Variants in SCHIP1 observed in about 807,000 individuals in gnomAD.
SCHIP1 encodes the protein schwannomin-interacting protein 1.
SCHIP1 carries 8 observed loss-of-function variants against 29.7 expected under a neutral mutation model. That is an observed-to-expected ratio of 0.27 (90% CI 0.16 to 0.49). SCHIP1 has a LOEUF of 0.49. Among genes scored for constraint, SCHIP1 ranks in the 20% least tolerant of loss-of-function variants. The pLI, the probability that SCHIP1 is intolerant of heterozygous loss-of-function variation, is 0.99. For synonymous variants in SCHIP1, 76 were observed against 94.9 expected (o/e 0.80, Z 1.16); for missense variants, 193 against 294.6 (o/e 0.66, Z 2.52).
At chr3:159,375,152 AAG>A in the SCHIP1 span, among the ~76,000 whole-genome samples, 1 of 152,236 alleles carries the variant, frequency 6.6e-6, no homozygotes, top group African/African-American at 2.4e-5. Context: ...GTTGGAATAA[AAG>A]AGAGTGTCCT....
the SCHIP1 span, among the ~76,000 whole-genome samples, chr3:159,625,593 A>C: frequency 1.3e-5 from 2 of 152,044 alleles, no homozygotes; most frequent in Non-Finnish European, 2.9e-5. Context: ...AGTTTGCTTC[A>C]CGTTAGTAGT....
At chr3:159,561,203 A>G in the SCHIP1 span, among the ~76,000 whole-genome samples, 1 of 152,232 alleles carries the variant, frequency 6.6e-6, no homozygotes, top group Admixed American at 6.5e-5. Context: ...TAAGTGAAGA[A>G]TGTCCACAAG....
the SCHIP1 span, among the ~76,000 whole-genome samples, chr3:159,398,623 G>A: frequency 1.3e-5 from 2 of 152,090 alleles, no homozygotes; most frequent in African/African-American, 4.8e-5. Flanking sequence ...TGATCTCAGA[G>A]GTCATAGAAA....
chr3:159,557,880 A>T, the SCHIP1 span, among the ~76,000 whole-genome samples: 2 of 152,254 alleles, frequency 1.3e-5, no homozygotes, highest in Non-Finnish European at 2.9e-5. Flanking sequence ...TTAGAAAAAT[A>T]AGGCAAATCC....
chr3:159,715,596 G>A, the SCHIP1 span, among the ~76,000 whole-genome samples: 70 of 152,312 alleles, frequency 4.6e-4, 1 homozygote, highest in East Asian at 0.012. Context: ...CGAGAACTAC[G>A]TGATGCATGC....
the SCHIP1 span, among the ~76,000 whole-genome samples, chr3:159,332,800 TA>T: frequency 6.6e-6 from 1 of 152,198 alleles, no homozygotes; most frequent in African/African-American, 2.4e-5. Flanking sequence ...TTTGGAAATA[TA>T]AGCAGTAAAT....
the SCHIP1 span, among the ~76,000 whole-genome samples, chr3:159,827,434 T>C: frequency 6.6e-5 from 10 of 152,252 alleles, no homozygotes; most frequent in Non-Finnish European, 1.3e-4. Flanking sequence ...GTTTCTGTCC[T>C]GTGTTCAGTG....
At chr3:159,676,635 G>A in the SCHIP1 span, among the ~76,000 whole-genome samples, 9,902 of 151,794 alleles carry the variant, frequency 0.065, 1,041 homozygotes, top group African/African-American at 0.22. Flanking sequence ...TCTAGCTGTG[G>A]ACTAACCCTC....
At chr3:159,880,030 A>C (rs149824406) in intron 2 of SCHIP1, among the ~76,000 whole-genome samples, 1 of 152,226 alleles carries the variant, frequency 6.6e-6, no homozygotes, top group Non-Finnish European at 1.5e-5. Flanking sequence ...GAAAGTATGC[A>C]TAAGATTAGG....
At chr3:159,302,134 A>G in the SCHIP1 span, among the ~76,000 whole-genome samples, 2 of 152,216 alleles carry the variant, frequency 1.3e-5, no homozygotes, top group African/African-American at 4.8e-5. Context: ...GTTCCGGTGC[A>G]CCAGCTGCTG....
the SCHIP1 span, among the ~76,000 whole-genome samples, chr3:159,796,371 C>T: frequency 3.0e-4 from 45 of 152,224 alleles, no homozygotes; most frequent in African/African-American, 8.4e-4. Flanking sequence ...ATTGAGGAAT[C>T]GGAGGAGTGT....
At chr3:159,394,235 A>G in the SCHIP1 span, among the ~76,000 whole-genome samples, 1 of 150,906 alleles carries the variant, frequency 6.6e-6, no homozygotes, top group Non-Finnish European at 1.5e-5. Flanking sequence ...GGGGTTTTCT[A>G]GATATACAAT....
chr3:159,424,994 G>C, the SCHIP1 span, among the ~76,000 whole-genome samples: 1 of 151,784 alleles, frequency 6.6e-6, no homozygotes. Context: ...CAAATGCTGA[G>C]AGATTTTGTC....
the SCHIP1 span, among the ~76,000 whole-genome samples, chr3:159,345,571 T>A: frequency 6.6e-6 from 1 of 151,928 alleles, no homozygotes; most frequent in African/African-American, 2.4e-5. Context: ...TCTCTCTCTC[T>A]CTCTCTCTCA....
At chr3:159,521,942 A>G in the SCHIP1 span, among the ~76,000 whole-genome samples, 80,181 of 152,078 alleles carry the variant, frequency 0.53, 21,426 homozygotes, top group East Asian at 0.69. Flanking sequence ...GTACTTTCCA[A>G]TTTAATTCAA....
At chr3:159,375,990 A>G in the SCHIP1 span, among the ~76,000 whole-genome samples, 2 of 152,184 alleles carry the variant, frequency 1.3e-5, no homozygotes, top group African/African-American at 4.8e-5. Context: ...AATTCTAGAA[A>G]TGATATTGAT....
chr3:159,295,093 A>C, the SCHIP1 span, among the ~76,000 whole-genome samples: 1,069 of 152,126 alleles, frequency 7.0e-3, 20 homozygotes, highest in Non-Finnish European at 7.0e-3. Flanking sequence ...GTCAAACCTC[A>C]CATAAAAGAA....
At chr3:159,826,964 G>A in the SCHIP1 span, among the ~76,000 whole-genome samples, 7 of 152,198 alleles carry the variant, frequency 4.6e-5, no homozygotes, top group African/African-American at 1.2e-4. Flanking sequence ...TTTACCTGGT[G>A]TCATGTGTTG....
chr3:159,511,102 G>A, the SCHIP1 span, among the ~76,000 whole-genome samples: 14 of 152,354 alleles, frequency 9.2e-5, no homozygotes, highest in African/African-American at 2.4e-4. Flanking sequence ...TCCTTGAGCT[G>A]TGGTGGGCTC....
Sources: gnomAD v4.1 joint callset for allele counts (sites outside exome capture counted in the v4.1 genomes callset) on GRCh38, gnomAD v4.1.1 for gene constraint, MANE v1.5 for transcripts, NCBI Gene and HGNC (gene_info 2026-07-23, HGNC 2026-07-21) for gene names.